The following ZNF160 variants were observed in gnomAD, a reference collection of about 807,000 sequenced individuals.
The protein encoded by ZNF160 is zinc finger protein 160, also known as KRAB zinc finger protein KR18.
A neutral mutation model predicts 13.1 loss-of-function variants in ZNF160; 9 were observed. That is an observed-to-expected ratio of 0.69 (90% CI 0.41 to 1.20). The LOEUF (loss-of-function observed/expected upper bound fraction) is 1.20. ZNF160 is among the 50% of genes most tolerant of loss of function. ZNF160 has a pLI of 0.01. For missense variants in ZNF160, 838 were observed against 988.0 expected, an observed-to-expected ratio of 0.85 and a Z score of 2.04; for synonymous variants, 293 against 333.2, an observed-to-expected ratio of 0.88 and a Z score of 1.31.
intron 4 of ZNF160, 48 bp downstream of exon 4, chr19:53,075,009 A>G: frequency 3.1e-6 from 5 of 1,612,798 alleles, no homozygotes; most frequent in Non-Finnish European, 4.2e-6. Flanking sequence ...GGAAAATGCA[A>G]CAATAGACAA....
intron 3 of ZNF160, among the ~76,000 whole-genome samples, chr19:53,082,254 A>T (rs1488220292): frequency 6.6e-6 from 1 of 152,218 alleles, no homozygotes; most frequent in African/African-American, 2.4e-5. Context: ...GTACCCCCTG[A>T]ATCTAAAATA....
At chr19:53,077,266 C>T (rs1313471744) in intron 3 of ZNF160, 1 of 152,176 alleles carries the variant, frequency 6.6e-6, no homozygotes, top group Non-Finnish European at 1.5e-5. Flanking sequence ...CTTGAGGGAT[C>T]TCCAGAGCCT....
In ZNF160 at chr19:53,069,727, A is replaced by G. The variant is rs2084093357; in HGVS notation, c.807T>C (p.Asn269=). ...TTCTCCTATGACTTGTAAGGTTCGAATTCTGAGTGAACGCCTTGCCACATT... is the reference window on the plus strand; with the variant it reads ...TTCTCCTATGACTTGTAAGGTTCGAGTTCTGAGTGAACGCCTTGCCACATT... The part of the protein sequence containing the change: ...CNECGKAFTQ[N]SNLTSHRRIH... The change falls in exon 6 of 6, where the codon AAT becomes AAC. Residue 269 remains asparagine (N), a synonymous_variant. Transcript: ENST00000683776. This position sits in a 1 kb window ranked among gnomAD's most constrained non-coding sequence, Gnocchi z 4.4. 3.7e-6 allele frequency: 6 copies of G among 1,614,180 alleles called. No individual in the cohort carries two copies. Among genetic ancestry groups the G allele is most frequent in the Middle Eastern group, 1.6e-4 (1 of 6,062 alleles).
At chr19:53,084,789 G>C (rs189535549) in intron 3 of ZNF160, among the ~76,000 whole-genome samples, 1 of 152,238 alleles carries the variant, frequency 6.6e-6, no homozygotes, top group East Asian at 1.9e-4. Flanking sequence ...GCATTGGTGG[G>C]AGAGGGCACC....
At position 53,102,051 on chromosome 19, in the gene ZNF160, C is replaced by T. The variant is rs534356903; in HGVS notation, c.-354+1214G>A. ...ACCTTGTCTCTCCAGCCTTTTTCCCCTTTTATCTTCCCCCTAGGATTCTGA... is the reference window on the plus strand; with the variant it reads ...ACCTTGTCTCTCCAGCCTTTTTCCCTTTTTATCTTCCCCCTAGGATTCTGA... On this transcript the variant is annotated intron_variant, in intron 1 of 5. Coordinates refer to ENST00000683776, the MANE Select transcript of ZNF160 (RefSeq NM_001322131.2). Among the ~76,000 whole-genome samples, 3 of 152,210 alleles carry T rather than the reference C, an allele frequency of 2.0e-5. No individual in the cohort carries two copies. The East Asian group carries it at 5.8e-4, about 29-fold the overall frequency.
At chr19:53,086,954 G>A (rs929783760) in intron 2 of ZNF160, among the ~76,000 whole-genome samples, 1 of 152,198 alleles carries the variant, frequency 6.6e-6, no homozygotes, top group Non-Finnish European at 1.5e-5. Flanking sequence ...GGATATTGAA[G>A]GAGCAAAAAG....
intron 3 of ZNF160, among the ~76,000 whole-genome samples, chr19:53,079,095 T>C (rs1304607059): frequency 6.6e-6 from 1 of 152,128 alleles, no homozygotes. Context: ...AGGATTATAG[T>C]CCATGACCAA....
chr19:53,075,479 G>C (rs1177641331), intron 3 of ZNF160: 3 of 366,902 alleles, frequency 8.2e-6, no homozygotes, highest in Admixed American at 4.0e-5. Context: ...AGGCTCGGTG[G>C]GTGGTCACTG....
intron 2 of ZNF160, among the ~76,000 whole-genome samples, chr19:53,090,307 T>G (rs2084988328): frequency 6.6e-6 from 1 of 152,076 alleles, no homozygotes; most frequent in African/African-American, 2.4e-5. Flanking sequence ...GACCCAGCTT[T>G]TCTCTATATT....
At position 53,067,996 on chromosome 19, in the gene ZNF160, C is replaced by T; in HGVS notation, c.*81G>A. 6.6e-7 allele frequency: 1 copy of T among 1,518,222 alleles called. No individual in the cohort carries two copies. The highest frequency in any genetic ancestry group is 1.3e-5 in the South Asian group (1 of 75,364). The allele number at this position is 1,518,222 out of a possible 1,614,324, so 94.0% of individuals were successfully genotyped here. On this transcript the variant is annotated 3_prime_UTR_variant, in exon 6 of 6. Transcript: ENST00000683776. ...CAACTCATGAGGGATTGGCCACTGTCACTACATTTGTAAGGATTCTGTCAA... is the reference window on the plus strand; with the variant it reads ...CAACTCATGAGGGATTGGCCACTGTTACTACATTTGTAAGGATTCTGTCAA...
chr19:53,080,982 A>G (rs570964764), intron 3 of ZNF160, among the ~76,000 whole-genome samples: 2 of 152,210 alleles, frequency 1.3e-5, no homozygotes, highest in Non-Finnish European at 2.9e-5. Flanking sequence ...AGGATACCCT[A>G]TTCAATAAGT....
At position 53,091,542 on chromosome 19, in the gene ZNF160, G is replaced by C. The variant is rs2085036172; in HGVS notation, c.-175C>G. 1 of 152,202 alleles carries C rather than the reference G, an allele frequency of 6.6e-6. No individual in the cohort carries two copies. 9.4% of individuals were successfully genotyped at this position (152,202 alleles called of 1,614,324 possible). A position where few individuals can be genotyped will look rare whatever the true frequency, so the allele number is the denominator to read the frequency against. ...AGTTGGGAGGTGCCTGAGGGATGAA[G>C]TGGGCGGGGGACTTGGGGAAAGGGG... On this transcript the variant is annotated 5_prime_UTR_variant, in exon 2 of 6. Coordinates refer to ENST00000683776, the MANE Select transcript of ZNF160 (RefSeq NM_001322131.2).
intron 1 of ZNF160, among the ~76,000 whole-genome samples, chr19:53,098,675 C>T (rs1650971): frequency 0.88 from 133,230 of 150,796 alleles, 58,575 homozygotes; most frequent in Middle Eastern, 0.94. Context: ...TCATGGCCCA[C>T]TTAGCTTCTG....
intron 3 of ZNF160, among the ~76,000 whole-genome samples, chr19:53,083,306 G>A (rs1273749925): frequency 1.3e-5 from 2 of 152,044 alleles, no homozygotes; most frequent in East Asian, 3.9e-4. Context: ...GGCAACTCAG[G>A]CCCCATCCTG....
chr19:53,071,539 C>CAAAAAAAAA, intron 5 of ZNF160, among the ~76,000 whole-genome samples: 1 of 58,774 alleles, frequency 1.7e-5, no homozygotes, highest in Non-Finnish European at 3.2e-5. Context: ...TCCGTCTCAT[C>CAAAAAAAAA]AAAAAAAAAA....
chr19:53,100,820 T>C (rs968962817), intron 1 of ZNF160, among the ~76,000 whole-genome samples: 1 of 150,716 alleles, frequency 6.6e-6, no homozygotes, highest in African/African-American at 2.4e-5. Context: ...CTATCTCTAC[T>C]AAAAATACGA....
chr19:53,073,458 G>C (rs770423450), intron 5 of ZNF160: 266 of 1,598,186 alleles, frequency 1.7e-4, no homozygotes, highest in Non-Finnish European at 2.2e-4. Context: ...ATGAGGTTTG[G>C]GGCAGCAGAT....
At chr19:53,096,383 G>A (rs1390677612) in intron 1 of ZNF160, among the ~76,000 whole-genome samples, 2 of 151,934 alleles carry the variant, frequency 1.3e-5, no homozygotes, top group Non-Finnish European at 2.9e-5. Flanking sequence ...AGAGCCAAGG[G>A]CCCTTCATGG....
At chr19:53,076,128 G>C (rs576753367) in intron 3 of ZNF160, among the ~76,000 whole-genome samples, 1 of 152,294 alleles carries the variant, frequency 6.6e-6, no homozygotes, top group Admixed American at 6.5e-5. Context: ...GGACTTTTGA[G>C]CAAGTTATGT....
Sources: gnomAD v4.1 joint callset for allele counts (sites outside exome capture counted in the v4.1 genomes callset) on GRCh38, gnomAD v4.1.1 for gene constraint, Gnocchi (gnomAD v3.1) non-coding constraint, MANE v1.5 for transcripts, NCBI Gene and HGNC (gene_info 2026-07-23, HGNC 2026-07-21) for gene names.